Variants in RFX7 observed in about 807,000 individuals in gnomAD.
RFX7 encodes regulatory factor X7, also known as DNA-binding protein RFX7.
Under a neutral mutation model 111.8 loss-of-function variants are expected in RFX7, and 26 were observed. That is an observed-to-expected ratio of 0.23 (90% CI 0.17 to 0.32). RFX7 has a LOEUF of 0.32. Among genes scored for constraint, RFX7 ranks in the 10% least tolerant of loss-of-function variants. The pLI is 1.00. For synonymous variants in RFX7, 624 were observed against 624.4 expected (o/e 1.00, Z 0.01); for missense variants, 1,573 against 1,772.9 (o/e 0.89, Z 2.02).
At chr15:56,112,401 A>AAAAAAAAAAAAAAAAAAAAAAAAAAT (rs2041951855) in intron 5 of RFX7, among the ~76,000 whole-genome samples, 1 of 128,576 alleles carries the variant, frequency 7.8e-6, no homozygotes, top group Non-Finnish European at 1.7e-5. Flanking sequence ...AAAAAAAAAA[A>AAAAAAAAAAAAAAAAAAAAAAAAAAT]AGAACTACAA....
At chr15:56,126,151 T>C (rs1227342085) in intron 5 of RFX7, among the ~76,000 whole-genome samples, 2 of 152,246 alleles carry the variant, frequency 1.3e-5, no homozygotes, top group African/African-American at 4.8e-5. Context: ...CATCAACATT[T>C]AGGGATTTAA....
intron 2 of RFX7, among the ~76,000 whole-genome samples, chr15:56,212,389 T>C (rs1387774262): frequency 3.3e-5 from 5 of 152,260 alleles, no homozygotes; most frequent in South Asian, 4.1e-4. Flanking sequence ...AGAGGACTTT[T>C]AGGGTAGTAA....
At chr15:56,168,616 A>G (rs1342948481) in intron 3 of RFX7, among the ~76,000 whole-genome samples, 1 of 152,154 alleles carries the variant, frequency 6.6e-6, no homozygotes, top group Admixed American at 6.6e-5. Flanking sequence ...GCTAACCACC[A>G]CATTCTTTTT....
At position 56,090,179 on chromosome 15, in the gene RFX7, T is replaced by C. The variant is rs1196228756; in HGVS notation, c.*3166A>G. On this transcript the variant is annotated 3_prime_UTR_variant, in exon 10 of 10. Coordinates refer to ENST00000559447, the MANE Select transcript of RFX7 (RefSeq NM_022841.7). ...TTGAACACAGCTATGCTTAAAATTT[T>C]CTCATTTTCTATTCAGAGCTCCAGA... The C allele has an allele frequency of 6.6e-6, 1 of 152,234 alleles. No homozygotes were observed. The highest frequency in any genetic ancestry group is 2.4e-5 in the African/African-American group (1 of 41,476). 9.4% of individuals were successfully genotyped at this position (152,234 alleles called of 1,614,324 possible).
chr15:56,243,056 G>GCCCCCCCCC, intron 2 of RFX7, 69 bp downstream of exon 2: 1 of 520,786 alleles, frequency 1.9e-6, no homozygotes, highest in Non-Finnish European at 3.3e-6. Context: ...CCCGCCCGCC[G>GCCCCCCCCC]CCCCCCACCC....
chr15:56,222,525 TC>T (rs1353170797), intron 2 of RFX7, among the ~76,000 whole-genome samples: 1 of 152,202 alleles, frequency 6.6e-6, no homozygotes, highest in African/African-American at 2.4e-5. Context: ...CTTGTTCATT[TC>T]TTTTTCCTCT....
At chr15:56,173,658 T>G (rs977695934) in intron 3 of RFX7, among the ~76,000 whole-genome samples, 1 of 151,886 alleles carries the variant, frequency 6.6e-6, no homozygotes, top group Admixed American at 6.6e-5. Context: ...GGCGGATACC[T>G]GTAATCCCAG....
intron 5 of RFX7, among the ~76,000 whole-genome samples, chr15:56,118,374 A>G (rs1199489220): frequency 6.6e-6 from 1 of 152,024 alleles, no homozygotes; most frequent in Non-Finnish European, 1.5e-5. Context: ...GGTAACCATC[A>G]TCCTACTGTA....
intron 2 of RFX7, among the ~76,000 whole-genome samples, chr15:56,240,660 T>C (rs2043679364): frequency 6.6e-6 from 1 of 152,146 alleles, no homozygotes; most frequent in Non-Finnish European, 1.5e-5. Context: ...GCAAAACCCA[T>C]TTGATAATTT....
intron 5 of RFX7, among the ~76,000 whole-genome samples, chr15:56,140,497 C>T (rs1222879762): frequency 2.0e-5 from 3 of 152,242 alleles, no homozygotes; most frequent in African/African-American, 7.2e-5. Flanking sequence ...CACGCACCCA[C>T]TGACCTGCGC....
intron 3 of RFX7, among the ~76,000 whole-genome samples, chr15:56,164,969 C>G (rs116017663): frequency 1.6e-3 from 240 of 152,278 alleles, no homozygotes; most frequent in African/African-American, 5.7e-3. Flanking sequence ...ACCAGTTTCA[C>G]AGAAGACAAT....
intron 2 of RFX7, among the ~76,000 whole-genome samples, chr15:56,236,139 G>A (rs141881173): frequency 1.3e-5 from 2 of 152,160 alleles, no homozygotes; most frequent in African/African-American, 4.8e-5. Context: ...ATGCCTGATA[G>A]AGAGGTTGTA....
chr15:56,125,972 CAT>C (rs1207807400), intron 5 of RFX7, among the ~76,000 whole-genome samples: 1 of 152,118 alleles, frequency 6.6e-6, no homozygotes, highest in Non-Finnish European at 1.5e-5. Context: ...GAGTCTGTTT[CAT>C]AGTTTATGCT....
chr15:56,200,875 A>C (rs1381417952), intron 2 of RFX7, among the ~76,000 whole-genome samples: 1 of 152,162 alleles, frequency 6.6e-6, no homozygotes, highest in Non-Finnish European at 1.5e-5. Flanking sequence ...TGTGACTTCA[A>C]TTTTTTGAAT....
intron 2 of RFX7, among the ~76,000 whole-genome samples, chr15:56,235,154 C>T (rs746531848): frequency 2.0e-5 from 3 of 151,022 alleles, no homozygotes; most frequent in Non-Finnish European, 2.9e-5. Context: ...CCAGTTCATA[C>T]AGTAATCCCC....
intron 5 of RFX7, among the ~76,000 whole-genome samples, chr15:56,121,547 A>C (rs1463375025): frequency 6.6e-6 from 1 of 152,106 alleles, no homozygotes; most frequent in Non-Finnish European, 1.5e-5. Flanking sequence ...ACTTTCTTGT[A>C]CTTGGATATT....
intron 2 of RFX7, among the ~76,000 whole-genome samples, chr15:56,216,948 G>A (rs1001403075): frequency 2.0e-5 from 3 of 152,078 alleles, no homozygotes; most frequent in Non-Finnish European, 2.9e-5. Flanking sequence ...ACCACCATGC[G>A]TGGCTCTACG....
At chr15:56,134,947 T>A (rs2042276753) in intron 5 of RFX7, among the ~76,000 whole-genome samples, 2 of 152,106 alleles carry the variant, frequency 1.3e-5, no homozygotes, top group South Asian at 4.1e-4. Flanking sequence ...CATGAACTCA[T>A]CATTTTTTAT....
chr15:56,142,412 C>T (rs970197774), intron 5 of RFX7, among the ~76,000 whole-genome samples: 12 of 151,116 alleles, frequency 7.9e-5, no homozygotes, highest in South Asian at 2.1e-4. Context: ...GTTTTAGTTT[C>T]GCCTTATGTA....
Sources: allele counts gnomAD v4.1 joint callset (sites outside exome capture counted in the v4.1 genomes callset), GRCh38; gene constraint gnomAD v4.1.1; transcripts MANE v1.5; gene names NCBI Gene and HGNC (gene_info 2026-07-23, HGNC 2026-07-21).